Variants in EDN1 observed in about 807,000 individuals in gnomAD.
EDN1 encodes the protein endothelin 1.
A neutral mutation model predicts 21.7 loss-of-function variants in EDN1; 11 were observed. The observed-to-expected ratio is 0.51, with a 90% CI of 0.32 to 0.84. The LOEUF is 0.84. Ranked by LOEUF, EDN1 falls within the 40% of genes least tolerant of loss-of-function variation. EDN1 has a pLI of 0.03. For synonymous variants in EDN1, 85 were observed against 90.6 expected, an observed-to-expected ratio of 0.94 and a Z score of 0.35; for missense variants, 244 against 262.3, an observed-to-expected ratio of 0.93 and a Z score of 0.48.
the EDN1 span, among the ~76,000 whole-genome samples, chr6:12,247,536 C>CTTTTTTTTT: frequency 7.1e-4 from 69 of 97,748 alleles, no homozygotes; most frequent in Non-Finnish European, 9.3e-4. Context: ...TTCTTTCTTT[C>CTTTTTTTTT]TTTTTTTTTT....
chr6:12,236,583 A>T, the EDN1 span, among the ~76,000 whole-genome samples: 2 of 152,136 alleles, frequency 1.3e-5, no homozygotes, highest in Non-Finnish European at 2.9e-5. Context: ...ATTAATAATA[A>T]AAGTAGATTT....
chr6:12,237,189 G>A, the EDN1 span, among the ~76,000 whole-genome samples: 1 of 152,048 alleles, frequency 6.6e-6, no homozygotes, highest in Non-Finnish European at 1.5e-5. Context: ...AGTATTCCAT[G>A]GTGTATATGT....
chr6:12,271,949 T>C, the EDN1 span, among the ~76,000 whole-genome samples: 1 of 152,226 alleles, frequency 6.6e-6, no homozygotes, highest in Admixed American at 6.5e-5. Flanking sequence ...GAAATTCTTG[T>C]GTATGTGACT....
At chr6:12,266,553 A>T in the EDN1 span, among the ~76,000 whole-genome samples, 1 of 151,900 alleles carries the variant, frequency 6.6e-6, no homozygotes, top group Non-Finnish European at 1.5e-5. Flanking sequence ...AATTGTGACG[A>T]CTCTACAGAC....
rs373553911 is a variant in EDN1, at chr6:12,290,594, G to T, written c.-36G>T. ...TTTTCTTCGTTTTCCTTTGGGTTCA[G>T]TTTGAACGGGAGGTTTTTGATCCCT... On this transcript the variant is annotated 5_prime_UTR_variant, in exon 1 of 5. Coordinates refer to ENST00000379375, the MANE Select transcript of EDN1 (RefSeq NM_001955.5). 9.4e-6 allele frequency: 15 copies of T among 1,592,946 alleles called. No homozygotes were observed. Among genetic ancestry groups the T allele is most frequent in the African/African-American group, 1.3e-5 (1 of 74,482 alleles).
the EDN1 span, among the ~76,000 whole-genome samples, chr6:12,282,399 G>A: frequency 1.3e-5 from 2 of 152,194 alleles, no homozygotes; most frequent in African/African-American, 4.8e-5. Flanking sequence ...GGAAAAAATC[G>A]TTTAAACAAG....
the EDN1 span, among the ~76,000 whole-genome samples, chr6:12,257,064 C>G: frequency 6.6e-6 from 1 of 152,086 alleles, no homozygotes; most frequent in African/African-American, 2.4e-5. Flanking sequence ...AATGAGGAAC[C>G]AAAAACACAT....
the EDN1 span, among the ~76,000 whole-genome samples, chr6:12,231,038 A>G: frequency 6.6e-6 from 1 of 152,332 alleles, no homozygotes; most frequent in Non-Finnish European, 1.5e-5. Context: ...GTGAAAAATG[A>G]CTTGCCATAA....
the EDN1 span, among the ~76,000 whole-genome samples, chr6:12,277,483 G>T: frequency 1.9e-4 from 29 of 152,202 alleles, no homozygotes; most frequent in Non-Finnish European, 3.2e-4. Flanking sequence ...GAAACAGAAA[G>T]GATAAGTAGC....
At chr6:12,235,603 TCTCA>T in the EDN1 span, among the ~76,000 whole-genome samples, 1 of 152,182 alleles carries the variant, frequency 6.6e-6, no homozygotes, top group Non-Finnish European at 1.5e-5. Context: ...CTTCCTGTGC[TCTCA>T]CTCCGAATTT....
At position 12,291,217 on chromosome 6, in the gene EDN1, T is replaced by TCCCCC. The variant is rs56214323; in HGVS notation, c.64+532_64+536dup. 1.1e-3 allele frequency among the ~76,000 whole-genome samples: 97 copies of TCCCCC among 92,126 alleles called. 2 individuals are homozygous for TCCCCC. The highest frequency in any genetic ancestry group is 1.4e-3 in the African/African-American group (39 of 27,586). The allele number at this position is 92,126 out of a possible 152,430, so 60.4% of individuals were successfully genotyped here. On this transcript the variant is annotated intron_variant, in intron 1 of 4. Coordinates refer to ENST00000379375, the MANE Select transcript of EDN1 (RefSeq NM_001955.5). Reference sequence around the variant, plus strand: ...AAAAGTCTGTTGACTAACTACCGCCTCCCCCCCCCCCCGCCACCACCCCCC... The same window carrying TCCCCC: ...AAAAGTCTGTTGACTAACTACCGCCTCCCCCCCCCCCCCCCCCGCCACCACCCCCC...
Position 12,296,023 on chromosome 6 carries a change from C to A in EDN1, c.595C>A (p.Pro199Thr). Residue 199 changes from proline (P) to threonine (T), a missense_variant, in exon 5 of 5, where the codon CCC becomes ACC. Physicochemically the swap from Pro to Thr is conservative, Grantham distance 38. Transcript: ENST00000379375. Reference sequence around the variant, plus strand: ...TCATGATCCCAAGCTGAAAGGCAAGCCCTCCAGAGAGCGTTATGTGACCCA... The same window carrying A: ...TCATGATCCCAAGCTGAAAGGCAAGACCTCCAGAGAGCGTTATGTGACCCA... ...SFHDPKLKGK[P>T]SRERYVTHNR... is the part of the protein sequence containing the mutation. 1 of 1,614,090 alleles carries A rather than the reference C, an allele frequency of 6.2e-7. No individual in the cohort carries two copies. Among genetic ancestry groups the A allele is most frequent in the Non-Finnish European group, 8.5e-7 (1 of 1,179,988 alleles).
At chr6:12,289,836 T>C (rs1561691989), upstream of EDN1, among the ~76,000 whole-genome samples, 1 of 152,188 alleles carries the variant, frequency 6.6e-6, no homozygotes, top group Non-Finnish European at 1.5e-5. Flanking sequence ...AGTACGTTGA[T>C]CTGCCAAAAT....
the EDN1 span, among the ~76,000 whole-genome samples, chr6:12,266,480 C>A: frequency 6.6e-6 from 1 of 152,150 alleles, no homozygotes; most frequent in South Asian, 2.1e-4. Flanking sequence ...AATGGGGATC[C>A]AGGCAGGAAA....
Position 12,290,470 on chromosome 6 carries a change from G to T in EDN1, c.-160G>T. 1 of 651,954 alleles carries T rather than the reference G, an allele frequency of 1.5e-6. No individual in the cohort carries two copies. The highest frequency in any genetic ancestry group is 1.7e-5 in the South Asian group (1 of 57,450). 40.4% of individuals were successfully genotyped at this position (651,954 alleles called of 1,614,324 possible). On this transcript the variant is annotated 5_prime_UTR_variant, in exon 1 of 5. Transcript: ENST00000379375. Reference sequence around the variant, plus strand: ...CGCTCCGCTCGCTGCCTTCTCTCCTGGCAGGCGCTGCCTTTTCTCCCCGTT... The same window carrying T: ...CGCTCCGCTCGCTGCCTTCTCTCCTTGCAGGCGCTGCCTTTTCTCCCCGTT...
At chr6:12,267,731 A>C in the EDN1 span, among the ~76,000 whole-genome samples, 1 of 152,232 alleles carries the variant, frequency 6.6e-6, no homozygotes, top group East Asian at 1.9e-4. Flanking sequence ...ACTAAACAAC[A>C]GATCTTCACT....
chr6:12,293,912 T>C lies in EDN1; in HGVS notation c.234-29T>C, dbSNP rs769786599. ...TTTTAAAGACTATTAATTACACTAA[T>C]ATAGTTTCTTTCTCTCTTTGGATAA... On this transcript the variant is annotated intron_variant, in intron 2 of 4. Coordinates refer to ENST00000379375, the MANE Select transcript of EDN1 (RefSeq NM_001955.5). 3.7e-6 allele frequency: 6 copies of C among 1,613,072 alleles called. No individual in the cohort carries two copies. In the Admixed American group the frequency reaches 1.0e-4, roughly 27 times the overall value.
At chr6:12,235,329 A>G in the EDN1 span, among the ~76,000 whole-genome samples, 3 of 152,192 alleles carry the variant, frequency 2.0e-5, no homozygotes, top group Non-Finnish European at 4.4e-5. Flanking sequence ...TCTGCTGCTA[A>G]TTTTGGTAAC....
intron 4 of EDN1, among the ~76,000 whole-genome samples, 170 bp downstream of exon 4, chr6:12,294,574 A>G (rs1762773433): frequency 6.6e-6 from 1 of 152,174 alleles, no homozygotes; most frequent in African/African-American, 2.4e-5. Context: ...GAGCAAAAGA[A>G]TCCCTCTTAA....
Sources: gnomAD v4.1 joint callset for allele counts (sites outside exome capture counted in the v4.1 genomes callset) on GRCh38, gnomAD v4.1.1 for gene constraint, MANE v1.5 for transcripts, NCBI Gene and HGNC (gene_info 2026-07-23, HGNC 2026-07-21) for gene names.